Variants in CEP72 observed in about 807,000 individuals in gnomAD.
The protein encoded by CEP72 is centrosomal protein 72, also known as centrosomal protein of 72 kDa.
CEP72 carries 78 observed loss-of-function variants against 65.7 expected under a neutral mutation model. The ratio of observed to expected loss-of-function variants is 1.19; its 90% confidence interval spans 0.99 to 1.43. The LOEUF (loss-of-function observed/expected upper bound fraction) is 1.43. Ranked by LOEUF, CEP72 falls within the 40% of genes most tolerant of loss-of-function variation. The probability of loss-of-function intolerance (pLI) is 0.00; values close to 1 mark genes in which losing one functional copy is unlikely to be tolerated. For missense variants in CEP72, 914 were observed against 832.9 expected, an observed-to-expected ratio of 1.10 and a Z score of -1.20; for synonymous variants, 358 against 351.7, an observed-to-expected ratio of 1.02 and a Z score of -0.20.
chr5:624,457 G>T lies in CEP72; in HGVS notation c.404-14G>T. On this transcript the variant is annotated splice_polypyrimidine_tract_variant and intron_variant, in intron 3 of 11. Coordinates refer to ENST00000264935, the MANE Select transcript of CEP72 (RefSeq NM_018140.4). This position sits in a 1 kb window ranked among gnomAD's most constrained non-coding sequence, Gnocchi z 4.7. ...CTTGCCACCTGCACAGTCTTGTGTG[G>T]CCTTTTCTTCTAGACGATCGCCCCG... 6.2e-7 allele frequency: 1 copy of T among 1,608,060 alleles called. No individual in the cohort carries two copies. The highest frequency in any genetic ancestry group is 8.5e-7 in the Non-Finnish European group (1 of 1,174,402).
At chr5:637,476 G>C (rs367809792) in intron 6 of CEP72, 41 bp from the exon 7 acceptor site, 9 of 1,571,220 alleles carry the variant, frequency 5.7e-6, no homozygotes, top group Admixed American at 3.5e-5. Context: ...TGCACCCAGA[G>C]AATTTGGCCT....
At chr5:638,243 C>T (rs557834252) in intron 7 of CEP72, among the ~76,000 whole-genome samples, 4 of 152,300 alleles carry the variant, frequency 2.6e-5, no homozygotes, top group Admixed American at 6.5e-5. Context: ...GCATCTTGGC[C>T]GGCTGAGCCA....
Position 665,389 on chromosome 5 carries a change from G to A in CEP72, n.433+64G>A, listed in dbSNP as rs1450278615. On this transcript the variant is annotated intron_variant and non_coding_transcript_variant, in intron 3 of 4. Coordinates refer to the CEP72 transcript ENST00000514507. ...CTGTGCCCTGGGCAGGTCTCCCAGC[G>A]GTGGGGCACTGGGCAAGGGGCATAA... 61 of 1,219,798 alleles carry A rather than the reference G, an allele frequency of 5.0e-5. No individual in the cohort carries two copies. The Middle Eastern group carries it at 1.4e-3, about 27-fold the overall frequency. The allele number at this position is 1,219,798 out of a possible 1,614,324, so 75.6% of individuals were successfully genotyped here.
chr5:650,059 T>G (rs1405845673), intron 11 of CEP72, among the ~76,000 whole-genome samples: 5 of 59,456 alleles, frequency 8.4e-5, no homozygotes, highest in African/African-American at 2.9e-4. Context: ...CTGTGAGGTG[T>G]GACTGTGAGG....
At chr5:638,780 G>C (rs1001056115) in intron 7 of CEP72, among the ~76,000 whole-genome samples, 2 of 152,174 alleles carry the variant, frequency 1.3e-5, no homozygotes, top group Admixed American at 1.3e-4. Flanking sequence ...TCTGACTGCG[G>C]CCTGGATGTG....
downstream of CEP72, among the ~76,000 whole-genome samples, chr5:667,730 C>A (rs1246345224): frequency 6.6e-6 from 1 of 151,086 alleles, no homozygotes; most frequent in Non-Finnish European, 1.5e-5. Flanking sequence ...AAAAGACGGG[C>A]AGAATATTTG....
chr5:647,983 C>A (rs965230385), intron 11 of CEP72, 67 bp downstream of exon 11: 2 of 1,083,900 alleles, frequency 1.8e-6, no homozygotes, highest in South Asian at 1.4e-5. Context: ...AGGGTTGGGC[C>A]GGACTGGGTC....
intron 3 of CEP72, among the ~76,000 whole-genome samples, chr5:621,692 G>C (rs755414345): frequency 3.3e-5 from 5 of 152,254 alleles, no homozygotes; most frequent in Non-Finnish European, 7.3e-5. Context: ...ATGCGGGGCC[G>C]TGTCACCTCA....
chr5:649,135 CTG>C (rs1738705933), intron 11 of CEP72, among the ~76,000 whole-genome samples: 2 of 114,302 alleles, frequency 1.7e-5, no homozygotes, highest in Non-Finnish European at 1.8e-5. Flanking sequence ...TGAGGCGTGA[CTG>C]TGAGGCGTGA....
chr5:612,683 G>C (rs1735751177), intron 1 of CEP72: 3 of 889,074 alleles, frequency 3.4e-6, no homozygotes, highest in Non-Finnish European at 3.9e-6. Flanking sequence ...CTGTCTATCG[G>C]GTCACTGGTT....
At chr5:642,348 GC>G (rs2126799565) in intron 9 of CEP72, 1 of 985,316 alleles carries the variant, frequency 1.0e-6, no homozygotes, top group African/African-American at 1.7e-5. Flanking sequence ...AGCACACATG[GC>G]CCCTTCTCTG....
At chr5:631,666 G>A (rs1579964970) in intron 4 of CEP72, among the ~76,000 whole-genome samples, 3 of 52,790 alleles carry the variant, frequency 5.7e-5, no homozygotes, top group East Asian at 8.3e-4. Flanking sequence ...GTGGGGTTCT[G>A]TCCAGTGCCG....
chr5:643,537 G>A (rs1738202380), intron 9 of CEP72: 31 of 985,412 alleles, frequency 3.1e-5, no homozygotes, highest in Non-Finnish European at 3.6e-5. Flanking sequence ...AGGATGAAGC[G>A]GCGATACCCC....
chr5:673,065 A>C, the CEP72 span, among the ~76,000 whole-genome samples: 1 of 152,256 alleles, frequency 6.6e-6, no homozygotes, highest in East Asian at 1.9e-4. Context: ...TGCAGTACCG[A>C]AGGCCACTTC....
intron 1 of CEP72, among the ~76,000 whole-genome samples, chr5:613,051 T>C (rs1015354533): frequency 1.3e-5 from 2 of 152,248 alleles, no homozygotes; most frequent in Non-Finnish European, 2.9e-5. Flanking sequence ...AAATGACAAA[T>C]TCTGTATCTC....
At chr5:646,586 C>T (rs1738439242) in intron 10 of CEP72, among the ~76,000 whole-genome samples, 3 of 152,162 alleles carry the variant, frequency 2.0e-5, no homozygotes, top group Admixed American at 1.3e-4. Flanking sequence ...CCTGACCCCA[C>T]ACCAGCTGTT....
chr5:637,079 C>T (rs1455615472), intron 6 of CEP72, among the ~76,000 whole-genome samples: 5 of 152,096 alleles, frequency 3.3e-5, no homozygotes, highest in African/African-American at 9.7e-5. Flanking sequence ...GCTTAGTGGT[C>T]GGTACAGTGC....
At chr5:618,634 TG>T (rs969195404) in intron 1 of CEP72, among the ~76,000 whole-genome samples, 16 of 151,272 alleles carry the variant, frequency 1.1e-4, no homozygotes, top group African/African-American at 3.9e-4. Flanking sequence ...AGGGTCAGGG[TG>T]GGGGCAGTGG....
chr5:621,921 G>A (rs964352439), intron 3 of CEP72, among the ~76,000 whole-genome samples: 2 of 152,242 alleles, frequency 1.3e-5, no homozygotes, highest in South Asian at 2.1e-4. Flanking sequence ...TTACAGGTGC[G>A]TGCCACTGTG....
Sources: gnomAD v4.1 joint callset for allele counts (sites outside exome capture counted in the v4.1 genomes callset) on GRCh38, gnomAD v4.1.1 for gene constraint, Gnocchi (gnomAD v3.1) non-coding constraint, MANE v1.5 for transcripts, NCBI Gene and HGNC (gene_info 2026-07-23, HGNC 2026-07-21) for gene names.